Variants in AKAP12 observed in about 807,000 individuals in gnomAD.
AKAP12 encodes the protein A-kinase anchoring protein 12.
AKAP12 carries 32 observed loss-of-function variants against 79.9 expected under a neutral mutation model. The observed-to-expected ratio is 0.40, with a 90% CI of 0.30 to 0.54. The LOEUF is 0.54. AKAP12 is among the 20% of genes least tolerant of loss of function. AKAP12 has a pLI of 0.48. For synonymous variants in AKAP12, 808 were observed against 857.0 expected, an observed-to-expected ratio of 0.94 and a Z score of 1.00; for missense variants, 2,074 against 2,177.0, an observed-to-expected ratio of 0.95 and a Z score of 0.94.
chr6:151,256,634 A>G (rs1414884213), intron 2 of AKAP12, among the ~76,000 whole-genome samples: 1 of 151,904 alleles, frequency 6.6e-6, no homozygotes, highest in African/African-American at 2.4e-5. Flanking sequence ...ACACATGTAT[A>G]AATTTTATTT....
chr6:151,348,875 C>T lies in AKAP12; in HGVS notation c.484C>T (p.Pro162Ser). 2 of 1,614,086 alleles carry T rather than the reference C, an allele frequency of 1.2e-6. No homozygotes were observed. The highest frequency in any genetic ancestry group is 1.7e-6 in the Non-Finnish European group (2 of 1,180,018). The change falls in exon 4 of 5, where the codon CCC becomes TCC. Residue 162 changes from proline (P) to serine (S), a missense_variant. By Grantham distance (74) the Pro-to-Ser change is moderately conservative. This residue lies in a region of AKAP12 where 1,428 missense variants were observed against 1,451.0 expected (regional missense o/e 0.98). Transcript: ENST00000402676. ...SESNLEELTQ[P>S]TESQANDIGF... ...AAGCAATTTAGAAGAGCTAACACAA[C>T]CCACTGAGTCCCAGGCTAATGATAT...
intron 3 of AKAP12, among the ~76,000 whole-genome samples, chr6:151,331,715 C>A (rs539265193): frequency 5.1e-4 from 77 of 152,010 alleles, no homozygotes; most frequent in Non-Finnish European, 1.0e-3. Context: ...GAAACCCCAT[C>A]TCTACTAAAA....
At position 151,256,379 on chromosome 6, in the gene AKAP12, G is replaced by A. The variant is rs147271640; in HGVS notation, c.162+15655G>A. 3.3e-5 allele frequency among the ~76,000 whole-genome samples: 5 copies of A among 152,222 alleles called. No homozygotes were observed. In the East Asian group the frequency reaches 9.7e-4, roughly 29 times the overall value. The stretch of plus-strand genomic sequence containing the variant: ...CACAATTAGAATAGCAATTCAGAAG[G>A]CTTTAGTAGTATTTTGTGGCTCTGC... On this transcript the variant is annotated intron_variant, in intron 2 of 4. Transcript: ENST00000402676.
intron 2 of AKAP12, among the ~76,000 whole-genome samples, chr6:151,242,990 A>G (rs965316848): frequency 1.3e-5 from 2 of 152,208 alleles, no homozygotes; most frequent in East Asian, 1.9e-4. Flanking sequence ...ATCACGTGAG[A>G]CTGATTATGA....
intron 2 of AKAP12, among the ~76,000 whole-genome samples, chr6:151,265,428 C>T (rs1263468808): frequency 2.6e-5 from 4 of 152,174 alleles, no homozygotes; most frequent in Non-Finnish European, 5.9e-5. Flanking sequence ...ATTCAGCTAG[C>T]CCATTCTAAA....
intron 3 of AKAP12, among the ~76,000 whole-genome samples, chr6:151,321,903 GTTTTTTTTTTTTT>G: frequency 1.5e-5 from 1 of 67,328 alleles, no homozygotes; most frequent in African/African-American, 6.2e-5. Context: ...TCAGCTTTAT[GTTTTTTTTTTTTT>G]TTTTTTTTTT....
intron 2 of AKAP12, among the ~76,000 whole-genome samples, chr6:151,294,252 G>A (rs1274421495): frequency 1.3e-5 from 2 of 152,176 alleles, no homozygotes; most frequent in Non-Finnish European, 1.5e-5. Flanking sequence ...GATTACAGGC[G>A]TGAGCCACCA....
chr6:151,285,078 T>C (rs749902279), intron 2 of AKAP12, among the ~76,000 whole-genome samples: 4 of 152,164 alleles, frequency 2.6e-5, no homozygotes, highest in Non-Finnish European at 5.9e-5. Flanking sequence ...GTGAAGAACA[T>C]GATTTATGAA....
chr6:151,274,234 C>G (rs548733822), intron 2 of AKAP12, among the ~76,000 whole-genome samples: 3 of 152,014 alleles, frequency 2.0e-5, no homozygotes, highest in Non-Finnish European at 4.4e-5. Flanking sequence ...CATGCCACTA[C>G]GCCCTGCTGA....
intron 3 of AKAP12, among the ~76,000 whole-genome samples, chr6:151,312,468 C>T (rs545375126): frequency 8.1e-4 from 123 of 150,964 alleles, no homozygotes; most frequent in Non-Finnish European, 1.4e-3. Context: ...AGATTGAGAC[C>T]CTGTCTCAAA....
chr6:151,240,356 C>CT (rs11314996), intron 1 of AKAP12, 28 bp from the exon 2 acceptor site: 16,636 of 375,816 alleles, frequency 0.044, 1 homozygote, highest in Middle Eastern at 0.061. Flanking sequence ...AAGAGGTGGC[C>CT]TTTTTTTTTT....
chr6:151,289,375 C>G (rs915257794), intron 2 of AKAP12, among the ~76,000 whole-genome samples: 3 of 152,090 alleles, frequency 2.0e-5, no homozygotes, highest in East Asian at 3.8e-4. Context: ...ATTTTTAGAG[C>G]ATTGGGTTAT....
At chr6:151,297,122 T>C (rs1417437336) in intron 2 of AKAP12, among the ~76,000 whole-genome samples, 2 of 148,660 alleles carry the variant, frequency 1.3e-5, no homozygotes, top group African/African-American at 2.5e-5. Context: ...AAATAAATCA[T>C]CAGTCTTAAT....
intron 2 of AKAP12, among the ~76,000 whole-genome samples, chr6:151,286,824 C>T (rs1289419920): frequency 6.6e-6 from 1 of 152,228 alleles, no homozygotes; most frequent in African/African-American, 2.4e-5. Context: ...CGAGAGAGTT[C>T]AGGTCTTTTA....
rs777860285 is a variant in AKAP12, at chr6:151,351,541, G to C, written c.3150G>C (p.Val1050=). The C allele has an allele frequency of 7.4e-6, 12 of 1,613,998 alleles. No individual in the cohort carries two copies. In the African/African-American group the frequency reaches 1.5e-4, roughly 20 times the overall value. Residue 1050 remains valine, a synonymous_variant, in exon 4 of 5, where the codon GTG becomes GTC. Transcript: ENST00000402676. The surrounding 1 kb of genome is among the most constrained non-coding windows in gnomAD (Gnocchi z 4.4). ...TCCTCCAGGCAGTGGCAGAAAAAGTGAAAGAGGAATCCCAGCTGCCTGGCA... is the reference window on the plus strand; with the variant it reads ...TCCTCCAGGCAGTGGCAGAAAAAGTCAAAGAGGAATCCCAGCTGCCTGGCA... ...QEVLQAVAEK[V]KEESQLPGTG...
At chr6:151,270,179 C>T (rs1776153092) in intron 2 of AKAP12, among the ~76,000 whole-genome samples, 1 of 152,162 alleles carries the variant, frequency 6.6e-6, no homozygotes, top group South Asian at 2.1e-4. Flanking sequence ...GCCTCAGCCT[C>T]CCGAGTAGCT....
At chr6:151,347,000 C>CATT (rs1366733477) in intron 3 of AKAP12, among the ~76,000 whole-genome samples, 1 of 151,684 alleles carries the variant, frequency 6.6e-6, no homozygotes, top group African/African-American at 2.4e-5. Context: ...CCATCAATGT[C>CATT]ATCATTCTCT....
chr6:151,313,187 G>T (rs185504218), intron 3 of AKAP12, among the ~76,000 whole-genome samples: 6 of 152,206 alleles, frequency 3.9e-5, no homozygotes, highest in African/African-American at 1.4e-4. Context: ...GCTTGCTGTT[G>T]GTTAGCCAGG....
chr6:151,334,194 T>C (rs942559769), intron 3 of AKAP12, among the ~76,000 whole-genome samples: 1 of 152,188 alleles, frequency 6.6e-6, no homozygotes, highest in East Asian at 1.9e-4. Flanking sequence ...GGGAGTTAAC[T>C]TGAGACATAC....
Sources: gnomAD v4.1 joint callset for allele counts (sites outside exome capture counted in the v4.1 genomes callset) on GRCh38, gnomAD v4.1.1 for gene constraint, gnomAD v4.1.1 regional missense constraint, Gnocchi (gnomAD v3.1) non-coding constraint, MANE v1.5 for transcripts, NCBI Gene and HGNC (gene_info 2026-07-23, HGNC 2026-07-21) for gene names.